FBXL19: variants seen among roughly 807,000 people sequenced by gnomAD.
FBXL19 encodes the protein F-box/LRR-repeat protein 19.
Under a neutral mutation model 71.2 loss-of-function variants are expected in FBXL19, and 16 were observed. The observed-to-expected ratio is 0.22, with a 90% CI of 0.15 to 0.34. The LOEUF (loss-of-function observed/expected upper bound fraction) is 0.34, where lower values mean the gene tolerates loss of function less well. Among genes scored for constraint, FBXL19 ranks in the 10% least tolerant of loss-of-function variants. FBXL19 has a pLI of 1.00. For missense variants in FBXL19, 658 were observed against 968.2 expected, an observed-to-expected ratio of 0.68 and a Z score of 4.25; for synonymous variants, 447 against 409.4, an observed-to-expected ratio of 1.09 and a Z score of -1.11.
chr16:30,947,694 A>G lies in FBXL19; in HGVS notation c.*464A>G. On this transcript the variant is annotated 3_prime_UTR_variant, in exon 11 of 11. Coordinates refer to ENST00000338343, the MANE Select transcript of FBXL19 (RefSeq NM_001382779.1). Reference sequence around the variant, plus strand: ...TGGAGTGGGGGGTGGGGGTGGGGCCACAAAAGGAAAACCGGAGGAGCAATT... The same window carrying G: ...TGGAGTGGGGGGTGGGGGTGGGGCCGCAAAAGGAAAACCGGAGGAGCAATT... The G allele has an allele frequency of 2.9e-6, 1 of 340,166 alleles. No homozygotes were observed. The highest frequency in any genetic ancestry group is 2.2e-5 in the South Asian group (1 of 46,062). The allele number at this position is 340,166 out of a possible 1,614,324, so 21.1% of individuals were successfully genotyped here.
At chr16:30,933,418 T>A (rs138698281) in intron 7 of FBXL19, among the ~76,000 whole-genome samples, 1 of 152,030 alleles carries the variant, frequency 6.6e-6, no homozygotes, top group Non-Finnish European at 1.5e-5. Context: ...GGATTACAGG[T>A]GTGAGCCACC....
chr16:30,925,822 G>A lies in FBXL19; in HGVS notation c.68G>A (p.Arg23Gln), dbSNP rs780434451. ...RRRRTRCRRC[R>Q]ACVRTECGDC... ...CGCCGAACCCGCTGCCGCCGCTGCC[G>A]GGCCTGTGTGCGAACTGAGTGCGGG... is the stretch of plus-strand genomic sequence containing the variant. Residue 23 changes from arginine (R) to glutamine (Q), a missense_variant, in exon 2 of 11, where the codon CGG becomes CAG. By Grantham distance (43) the Arg-to-Gln change is conservative. This residue lies in a region of FBXL19 where 33 missense variants were observed against 75.4 expected (regional missense o/e 0.44). Coordinates refer to ENST00000338343, the MANE Select transcript of FBXL19 (RefSeq NM_001382779.1). The surrounding 1 kb of genome is among the most constrained non-coding windows in gnomAD (Gnocchi z 5.0). The A allele has an allele frequency of 2.1e-5, 31 of 1,504,618 alleles. No homozygotes were observed. Among genetic ancestry groups the A allele is most frequent in the Non-Finnish European group, 2.5e-5 (28 of 1,129,746 alleles). 93.2% of individuals were successfully genotyped at this position (1,504,618 alleles called of 1,614,324 possible).
At position 30,942,408 on chromosome 16, in the gene FBXL19, G is replaced by T; in HGVS notation, c.1499G>T (p.Trp500Leu). The change falls in exon 9 of 11, where the codon TGG becomes TTG. Residue 500 changes from tryptophan to leucine, a missense_variant. By Grantham distance (61) the Trp-to-Leu change is moderately conservative (BLOSUM62 -2). Around this residue, in one of 8 missense-constraint regions of FBXL19, gnomAD observed 21 missense variants for 45.1 expected, o/e 0.47. Coordinates refer to ENST00000338343, the MANE Select transcript of FBXL19 (RefSeq NM_001382779.1). The surrounding 1 kb of genome is among the most constrained non-coding windows in gnomAD (Gnocchi z 5.7). ...GAGCTGGTGCTCTCTGGCTGCTCCT[G>T]GCTCTCTGTCTCTGCCCTGGGCTCA... is the stretch of plus-strand genomic sequence containing the variant. ...LQELVLSGCS[W>L]LSVSALGSAP... The T allele has an allele frequency of 6.2e-7, 1 of 1,609,954 alleles. No individual in the cohort carries two copies. Among genetic ancestry groups the T allele is most frequent in the Non-Finnish European group, 8.5e-7 (1 of 1,178,578 alleles).
intron 7 of FBXL19, among the ~76,000 whole-genome samples, chr16:30,939,762 A>G (rs1281613656): frequency 6.6e-6 from 1 of 152,002 alleles, no homozygotes; most frequent in Non-Finnish European, 1.5e-5. Context: ...TCAAAGATAA[A>G]TCATGTTACG....
intron 7 of FBXL19, among the ~76,000 whole-genome samples, chr16:30,936,858 TCAGCCTCC>T (rs2055743321): frequency 6.6e-6 from 1 of 151,466 alleles, no homozygotes; most frequent in Non-Finnish European, 1.5e-5. Context: ...TTCTCCTGCC[TCAGCCTCC>T]TGAGTAGCTG....
chr16:30,946,985 G>A lies in FBXL19; in HGVS notation c.1846+37G>A. ...CCCCCATCCGTCCTGCCAGCCTGTG[G>A]ATCCCCACGGCCAGTGCCAACCCCT... On this transcript the variant is annotated intron_variant, in intron 10 of 10. Coordinates refer to ENST00000338343, the MANE Select transcript of FBXL19 (RefSeq NM_001382779.1). The surrounding 1 kb of genome is among the most constrained non-coding windows in gnomAD (Gnocchi z 6.7). The A allele has an allele frequency of 4.4e-6, 7 of 1,582,400 alleles. No homozygotes were observed. The highest frequency in any genetic ancestry group is 6.0e-6 in the Non-Finnish European group (7 of 1,165,286).
rs934166289 is a variant in FBXL19 at position 30,925,427 on chromosome 16, G to A, written c.-24-304G>A. ...GTGCCTGGCCTTTCCAAGGAGCTCC[G>A]GTGTGGGGATGGCAGAGGAGAGGGC... On this transcript the variant is annotated intron_variant, in intron 1 of 10. Coordinates refer to ENST00000338343, the MANE Select transcript of FBXL19 (RefSeq NM_001382779.1). This position sits in a 1 kb window ranked among gnomAD's most constrained non-coding sequence, Gnocchi z 5.0. Among the ~76,000 whole-genome samples the A allele has an allele frequency of 3.3e-5, 5 of 152,116 alleles. No individual in the cohort carries two copies. The highest frequency in any genetic ancestry group is 1.3e-4 in the Admixed American group (2 of 15,278).
At position 30,930,070 on chromosome 16, in the gene FBXL19, C is replaced by A; in HGVS notation, c.790-3C>A. ...GAACAGCATCAACCCTGTCTCCCTG[C>A]AGAAACCAAAGCCGCCTTTGGCCTC... On this transcript the variant is annotated splice_polypyrimidine_tract_variant and splice_region_variant and intron_variant, in intron 6 of 10. Transcript: ENST00000338343. This position sits in a 1 kb window ranked among gnomAD's most constrained non-coding sequence, Gnocchi z 8.5. The A allele has an allele frequency of 6.2e-7, 1 of 1,609,272 alleles. No individual in the cohort carries two copies. Among genetic ancestry groups the A allele is most frequent in the Non-Finnish European group, 8.5e-7 (1 of 1,176,768 alleles).
Position 30,948,211 on chromosome 16 carries a change from C to A in FBXL19, c.*981C>A, listed in dbSNP as rs1048170403. 6.3e-6 allele frequency: 1 copy of A among 158,308 alleles called. No individual in the cohort carries two copies. Among genetic ancestry groups the A allele is most frequent in the East Asian group, 1.9e-4 (1 of 5,214 alleles). The allele number at this position is 158,308 out of a possible 1,614,324, so 9.8% of individuals were successfully genotyped here. A position where few individuals can be genotyped will look rare whatever the true frequency, so the allele number is the denominator to read the frequency against. ...GCCGGACCCGCATTATGGCTGGGGGCGCCAGCCCAAGAATGGGGACCATGG... is the reference window on the plus strand; with the variant it reads ...GCCGGACCCGCATTATGGCTGGGGGAGCCAGCCCAAGAATGGGGACCATGG... On this transcript the variant is annotated 3_prime_UTR_variant, in exon 11 of 11. Transcript: ENST00000338343.
intron 6 of FBXL19, among the ~76,000 whole-genome samples, chr16:30,929,049 A>G (rs913201900): frequency 1.3e-5 from 2 of 152,182 alleles, no homozygotes; most frequent in East Asian, 1.9e-4. Flanking sequence ...CTGAAAGGCA[A>G]TGAGCTTTGT....
chr16:30,932,572 C>T (rs556584366), intron 7 of FBXL19, among the ~76,000 whole-genome samples: 6 of 152,272 alleles, frequency 3.9e-5, no homozygotes, highest in South Asian at 2.1e-4. Flanking sequence ...GTGTGGAGAG[C>T]GATACCTCTT....
chr16:30,936,728 G>C (rs1176432355), intron 7 of FBXL19, among the ~76,000 whole-genome samples: 1 of 144,974 alleles, frequency 6.9e-6, no homozygotes, highest in Non-Finnish European at 1.5e-5. Context: ...TTACAGGCGT[G>C]AGCCAGCGCG....
rs2055576647 is a variant in FBXL19, at chr16:30,925,225, G to T, written c.-24-506G>T. Among the ~76,000 whole-genome samples the T allele has an allele frequency of 6.6e-6, 1 of 152,004 alleles. No homozygotes were observed. The highest frequency in any genetic ancestry group is 1.5e-5 in the Non-Finnish European group (1 of 67,966). On this transcript the variant is annotated intron_variant, in intron 1 of 10. Transcript: ENST00000338343. This position sits in a 1 kb window ranked among gnomAD's most constrained non-coding sequence, Gnocchi z 5.0. ...TTGGATGGCTGCTGTGGATGAAAAGGTTGGTGGGGCGGGGGGGAGGAAAAG... is the reference window on the plus strand; with the variant it reads ...TTGGATGGCTGCTGTGGATGAAAAGTTTGGTGGGGCGGGGGGGAGGAAAAG...
At chr16:30,926,531 T>G (rs956826547) in intron 2 of FBXL19, among the ~76,000 whole-genome samples, 1 of 151,986 alleles carries the variant, frequency 6.6e-6, no homozygotes, top group African/African-American at 2.4e-5. Flanking sequence ...CTCCCTGGGC[T>G]CCAGAGCACG....
At chr16:30,943,877 C>G (rs2055829176) in intron 9 of FBXL19, among the ~76,000 whole-genome samples, 1 of 152,194 alleles carries the variant, frequency 6.6e-6, no homozygotes, top group Non-Finnish European at 1.5e-5. Context: ...GCCCCCTCCA[C>G]AACAGCCCTG....
Position 30,924,339 on chromosome 16 carries a change from C to G in FBXL19, c.-145C>G, listed in dbSNP as rs747567222. The G allele has an allele frequency of 2.5e-4, 40 of 157,278 alleles. No homozygotes were observed. Among genetic ancestry groups the G allele is most frequent in the South Asian group, 2.0e-4 (1 of 4,990 alleles). 9.7% of individuals were successfully genotyped at this position (157,278 alleles called of 1,614,324 possible). On this transcript the variant is annotated 5_prime_UTR_variant, in exon 1 of 11. Coordinates refer to ENST00000338343, the MANE Select transcript of FBXL19 (RefSeq NM_001382779.1). Reference sequence around the variant, plus strand: ...GAGGGGCCGAGCGCCCTCGGGGGGCCGTGGACCCCGGCGTTCTGAGCGTTC... The same window carrying G: ...GAGGGGCCGAGCGCCCTCGGGGGGCGGTGGACCCCGGCGTTCTGAGCGTTC...
In FBXL19 at chr16:30,946,668, T is replaced by C; in HGVS notation, c.1628-62T>C. On this transcript the variant is annotated intron_variant, in intron 9 of 10. Coordinates refer to ENST00000338343, the MANE Select transcript of FBXL19 (RefSeq NM_001382779.1). This position sits in a 1 kb window ranked among gnomAD's most constrained non-coding sequence, Gnocchi z 6.7. ...GGAAGCAGGTGGAGGGCAGATGGTC[T>C]GGATACCTGGGCGCAGGGATGGGAG... 1.3e-6 allele frequency: 2 copies of C among 1,497,080 alleles called. No homozygotes were observed. Among genetic ancestry groups the C allele is most frequent in the Non-Finnish European group, 1.8e-6 (2 of 1,105,516 alleles). The allele number at this position is 1,497,080 out of a possible 1,614,324, so 92.7% of individuals were successfully genotyped here.
chr16:30,938,837 C>T (rs1020568509), intron 7 of FBXL19, among the ~76,000 whole-genome samples: 2 of 151,734 alleles, frequency 1.3e-5, no homozygotes, highest in Non-Finnish European at 2.9e-5. Flanking sequence ...GAGGTTTCAC[C>T]GTATTAGCCA....
chr16:30,941,975 G>A (rs1335763403), intron 7 of FBXL19, 141 bp from the exon 8 acceptor site: 2 of 887,694 alleles, frequency 2.3e-6, no homozygotes, highest in Non-Finnish European at 3.2e-6. Flanking sequence ...GCTCTTGGCT[G>A]AGGTCAGGTG....
Sources: gnomAD v4.1 joint callset for allele counts (sites outside exome capture counted in the v4.1 genomes callset) on GRCh38, gnomAD v4.1.1 for gene constraint, gnomAD v4.1.1 regional missense constraint, Gnocchi (gnomAD v3.1) non-coding constraint, MANE v1.5 for transcripts, NCBI Gene and HGNC (gene_info 2026-07-23, HGNC 2026-07-21) for gene names.